Variants in TLE4 observed in about 807,000 individuals in gnomAD.
TLE4 encodes TLE family member 4, transcriptional corepressor, also known as transducin-like enhancer protein 4.
Under a neutral mutation model 92.8 loss-of-function variants are expected in TLE4, and 8 were observed. The ratio of observed to expected loss-of-function variants is 0.09; its 90% CI spans 0.05 to 0.16. The LOEUF is 0.16. Among genes scored for constraint, TLE4 ranks in the 10% least tolerant of loss-of-function variants. TLE4 has a pLI of 1.00. For missense variants in TLE4, 675 were observed against 997.6 expected (o/e 0.68, Z 4.36); for synonymous variants, 371 against 374.1 (o/e 0.99, Z 0.10).
At chr9:79,663,038 C>T (rs1043390088) in intron 8 of TLE4, among the ~76,000 whole-genome samples, 14 of 151,384 alleles carry the variant, frequency 9.2e-5, no homozygotes, top group Admixed American at 1.3e-4. Context: ...ATTTTAACCT[C>T]CCAACCTGGG....
chr9:79,685,194 C>G (rs535436418), intron 8 of TLE4, among the ~76,000 whole-genome samples: 2 of 152,266 alleles, frequency 1.3e-5, no homozygotes, highest in South Asian at 4.2e-4. Flanking sequence ...TGTCAGCTTT[C>G]CCTGGGTTCT....
At chr9:79,719,073 C>A in intron 15 of TLE4, 102 bp downstream of exon 15, 1 of 1,472,834 alleles carries the variant, frequency 6.8e-7, no homozygotes, top group South Asian at 1.4e-5. Context: ...GTATTGATCC[C>A]AGGTGGATAG....
intron 8 of TLE4, among the ~76,000 whole-genome samples, chr9:79,657,399 G>A (rs143658915): frequency 1.4e-3 from 208 of 152,252 alleles, no homozygotes; most frequent in African/African-American, 4.5e-3. Context: ...TAGAAAAGTC[G>A]TAAGTGACAC....
At chr9:79,654,135 G>C in intron 8 of TLE4, 60 bp downstream of exon 8, 1 of 1,500,050 alleles carries the variant, frequency 6.7e-7, no homozygotes, top group East Asian at 2.3e-5. Flanking sequence ...TGATTTGAAT[G>C]AATCTAGTAA....
intron 4 of TLE4, among the ~76,000 whole-genome samples, chr9:79,598,792 G>A (rs1283279150): frequency 6.6e-6 from 1 of 152,024 alleles, no homozygotes; most frequent in Non-Finnish European, 1.5e-5. Flanking sequence ...AGTAGCTAGG[G>A]CACTTAACAC....
chr9:79,718,176 T>A (rs1407135123), intron 14 of TLE4: 7 of 418,528 alleles, frequency 1.7e-5, no homozygotes, highest in Non-Finnish European at 3.3e-5. Context: ...AATAGGGCTT[T>A]ATCTTTTTTT....
intron 8 of TLE4, among the ~76,000 whole-genome samples, chr9:79,682,549 G>T (rs528041834): frequency 6.6e-6 from 1 of 152,266 alleles, no homozygotes; most frequent in African/African-American, 2.4e-5. Context: ...GGCCTGCGTT[G>T]TAGTAGTCGT....
intron 8 of TLE4, among the ~76,000 whole-genome samples, chr9:79,655,359 G>A (rs750366854): frequency 6.6e-6 from 1 of 152,162 alleles, no homozygotes; most frequent in Non-Finnish European, 1.5e-5. Flanking sequence ...ATGGAGCTAT[G>A]TATATGAATG....
chr9:79,617,671 G>A lies in TLE4; in HGVS notation c.315+4953G>A, dbSNP rs138384510. 3.5e-3 allele frequency among the ~76,000 whole-genome samples: 529 copies of A among 152,224 alleles called. 5 individuals carry two copies. Among genetic ancestry groups the A allele is most frequent in the African/African-American group, 0.012 (485 of 41,536 alleles). On this transcript the variant is annotated intron_variant, in intron 5 of 19. Transcript: ENST00000376552. The stretch of plus-strand genomic sequence containing the variant: ...CTCAGCCACTTGCTTTCTTTAAAAT[G>A]TGGAGCAAAATACTTAACTTTTCTG...
At chr9:79,608,490 T>A (rs2047612690) in intron 4 of TLE4, among the ~76,000 whole-genome samples, 1 of 152,088 alleles carries the variant, frequency 6.6e-6, no homozygotes, top group African/African-American at 2.4e-5. Context: ...GACTTCTTTG[T>A]CACCTTTTTA....
intron 6 of TLE4, among the ~76,000 whole-genome samples, chr9:79,642,735 C>G (rs1156548926): frequency 6.6e-6 from 1 of 151,974 alleles, no homozygotes; most frequent in East Asian, 1.9e-4. Context: ...CTTTTCTTGC[C>G]ATTATTACTT....
intron 8 of TLE4, among the ~76,000 whole-genome samples, chr9:79,693,092 A>C (rs2067416342): frequency 6.6e-6 from 1 of 152,174 alleles, no homozygotes; most frequent in Non-Finnish European, 1.5e-5. Flanking sequence ...GCTGGCTATA[A>C]AGCTGGTGCC....
At chr9:79,611,974 T>C (rs1036748130) in intron 4 of TLE4, among the ~76,000 whole-genome samples, 2 of 151,012 alleles carry the variant, frequency 1.3e-5, no homozygotes, top group African/African-American at 4.9e-5. Flanking sequence ...CCAAGGATAG[T>C]TTCCAGATAC....
rs139786092 is a variant in TLE4 at position 79,605,213 on chromosome 9, A to T, written c.253-7443A>T. Among the ~76,000 whole-genome samples, 43 of 152,226 alleles carry T rather than the reference A, an allele frequency of 2.8e-4. 2 individuals carry two copies. The East Asian group carries it at 6.0e-3, about 21-fold the overall frequency. On this transcript the variant is annotated intron_variant, in intron 4 of 19. Coordinates refer to ENST00000376552, the MANE Select transcript of TLE4 (RefSeq NM_007005.6). ...GGCTGAAAGTAAGCTCTCTAGAGAAAGTAATTTTCTTTCTCTGCTCCTTCT... is the reference window on the plus strand; with the variant it reads ...GGCTGAAAGTAAGCTCTCTAGAGAATGTAATTTTCTTTCTCTGCTCCTTCT...
chr9:79,679,856 C>G (rs1456976475), intron 8 of TLE4, among the ~76,000 whole-genome samples: 1 of 152,044 alleles, frequency 6.6e-6, no homozygotes, highest in Non-Finnish European at 1.5e-5. Flanking sequence ...TTTCCCAGCA[C>G]CATTTATTAA....
chr9:79,644,312 T>G (rs991655698), intron 6 of TLE4, among the ~76,000 whole-genome samples: 5 of 152,126 alleles, frequency 3.3e-5, no homozygotes, highest in Non-Finnish European at 7.3e-5. Flanking sequence ...CAGCCGTGCT[T>G]AACTGTGAGT....
At chr9:79,671,231 T>C in intron 8 of TLE4, 1 of 456,504 alleles carries the variant, frequency 2.2e-6, no homozygotes, top group South Asian at 1.5e-5. Context: ...CTGCTCATAA[T>C]GGATGAAATT....
chr9:79,660,854 C>G (rs142118115), intron 8 of TLE4, among the ~76,000 whole-genome samples: 3 of 152,138 alleles, frequency 2.0e-5, no homozygotes, highest in Admixed American at 6.5e-5. Flanking sequence ...CGGGGAGACA[C>G]GCTTGTTTTG....
chr9:79,724,249 TAGAC>T (rs2076096284), intron 19 of TLE4, among the ~76,000 whole-genome samples: 1 of 151,880 alleles, frequency 6.6e-6, no homozygotes. Context: ...TCTGAGGTGG[TAGAC>T]AGGTAAAATG....
Sources: allele counts gnomAD v4.1 joint callset (sites outside exome capture counted in the v4.1 genomes callset), GRCh38; gene constraint gnomAD v4.1.1; transcripts MANE v1.5; gene names NCBI Gene and HGNC (gene_info 2026-07-23, HGNC 2026-07-21).